PCDHGA2: variants seen among roughly 807,000 people sequenced by gnomAD.
PCDHGA2 encodes the protein protocadherin gamma subfamily A, 2.
In PCDHGA2, 40 loss-of-function variants were observed where a neutral mutation model predicts 59.2. The ratio of observed to expected loss-of-function variants is 0.68; its 90% CI spans 0.52 to 0.88. PCDHGA2 has a LOEUF of 0.88. Among genes scored for constraint, PCDHGA2 ranks in the 40% least tolerant of loss-of-function variants. The pLI, the probability that PCDHGA2 is intolerant of heterozygous loss-of-function variation, is 0.00. For synonymous variants in PCDHGA2, 560 were observed against 526.0 expected, an observed-to-expected ratio of 1.06 and a Z score of -0.89; for missense variants, 1,226 against 1,204.0, an observed-to-expected ratio of 1.02 and a Z score of -0.27.
At position 141,393,088 on chromosome 5, in the gene PCDHGA2, G is replaced by T. The variant is rs760420305; in HGVS notation, c.2424+51693G>T. ...TTGATCACCGCGGGCAGGATAGATCGGGAGGAGCTCTGCGCTCAGAGCCCG... is the reference window on the plus strand; with the variant it reads ...TTGATCACCGCGGGCAGGATAGATCTGGAGGAGCTCTGCGCTCAGAGCCCG... On this transcript the variant is annotated intron_variant, in intron 1 of 3. Transcript: ENST00000394576. 3.7e-6 allele frequency: 6 copies of T among 1,613,530 alleles called. No homozygotes were observed. In the East Asian group the frequency reaches 1.3e-4, roughly 36 times the overall value.
At chr5:141,420,076 TC>T (rs2096464805) in intron 1 of PCDHGA2, 2 of 1,613,956 alleles carry the variant, frequency 1.2e-6, no homozygotes, top group East Asian at 2.2e-5. Flanking sequence ...GACCTGTGGG[TC>T]CCCCCAACTA....
rs2097721634 is a variant in PCDHGA2, at chr5:141,434,835, A to G, written c.2425-59972A>G. On this transcript the variant is annotated intron_variant, in intron 1 of 3. Coordinates refer to ENST00000394576, the MANE Select transcript of PCDHGA2 (RefSeq NM_018915.4). ...ATATCCCTTAGTACACTTGGCATTT[A>G]TAAAGCAGACATCAATAAATTTATA... 2.0e-5 allele frequency among the ~76,000 whole-genome samples: 3 copies of G among 151,972 alleles called. 1 individual carries two copies. In the South Asian group the frequency reaches 6.2e-4, roughly 32 times the overall value.
intron 1 of PCDHGA2, chr5:141,370,629 C>G: frequency 6.2e-7 from 1 of 1,613,860 alleles, no homozygotes; most frequent in Non-Finnish European, 8.5e-7. Flanking sequence ...TACCGTGAGC[C>G]CCGAAAATGG....
chr5:141,383,714 G>C, intron 1 of PCDHGA2: 1 of 1,613,972 alleles, frequency 6.2e-7, no homozygotes, highest in Non-Finnish European at 8.5e-7. Flanking sequence ...CTGGACGAGG[G>C]AGTCAATGGG....
At position 141,350,760 on chromosome 5, in the gene PCDHGA2, A is replaced by G. The variant is rs756938646; in HGVS notation, c.2424+9365A>G. Reference sequence around the variant, plus strand: ...GTGGAAGGCAATTCACTGAAGTTATACACCATCAACCCCAATCAATACTTC... The same window carrying G: ...GTGGAAGGCAATTCACTGAAGTTATGCACCATCAACCCCAATCAATACTTC... On this transcript the variant is annotated intron_variant, in intron 1 of 3. Coordinates refer to ENST00000394576, the MANE Select transcript of PCDHGA2 (RefSeq NM_018915.4). The G allele has an allele frequency of 1.7e-5, 27 of 1,613,948 alleles. No individual in the cohort carries two copies. In the East Asian group the frequency reaches 5.6e-4, roughly 33 times the overall value.
Position 141,345,352 on chromosome 5 carries a change from T to C in PCDHGA2, c.2424+3957T>C. 2.5e-6 allele frequency: 4 copies of C among 1,613,994 alleles called. No homozygotes were observed. In the South Asian group the frequency reaches 4.4e-5, roughly 18 times the overall value. On this transcript the variant is annotated intron_variant, in intron 1 of 3. Transcript: ENST00000394576. ...CTGTCCACAGAAACTCACATCACCC[T>C]GCATGTGATTGACATCAATGACAAC...
intron 1 of PCDHGA2, among the ~76,000 whole-genome samples, chr5:141,445,924 A>G (rs1451439271): frequency 6.6e-6 from 1 of 152,184 alleles, no homozygotes; most frequent in Non-Finnish European, 1.5e-5. Flanking sequence ...GTGACAAGAT[A>G]TTTGAATTAT....
intron 1 of PCDHGA2, chr5:141,372,365 C>G: frequency 6.2e-7 from 1 of 1,613,966 alleles, no homozygotes; most frequent in South Asian, 1.1e-5. Flanking sequence ...TTTCAGCCAC[C>G]GTCATGCTGC....
At chr5:141,413,702 T>G (rs1448671585) in intron 1 of PCDHGA2, 4 of 1,613,606 alleles carry the variant, frequency 2.5e-6, no homozygotes, top group Non-Finnish European at 3.4e-6. Flanking sequence ...AGCTATCAGC[T>G]CAGCCCCAAT....
chr5:141,421,054 A>G, intron 1 of PCDHGA2: 3 of 571,978 alleles, frequency 5.2e-6, no homozygotes, highest in Non-Finnish European at 9.0e-6. Context: ...CGCCTCTACC[A>G]CACAAAGCGG....
At chr5:141,508,824 G>T (rs893436748) in intron 3 of PCDHGA2, among the ~76,000 whole-genome samples, 1 of 151,952 alleles carries the variant, frequency 6.6e-6, no homozygotes, top group Non-Finnish European at 1.5e-5. Context: ...CCAGATCTGG[G>T]CCCCCCTCCC....
chr5:141,360,173 G>A, intron 1 of PCDHGA2: 1 of 1,609,062 alleles, frequency 6.2e-7, no homozygotes, highest in African/African-American at 1.3e-5. Flanking sequence ...CTGGTGCGGT[G>A]GCTGCAGGTA....
At chr5:141,428,437 C>A in intron 1 of PCDHGA2, 1 of 400,386 alleles carries the variant, frequency 2.5e-6, no homozygotes, top group South Asian at 2.4e-5. Flanking sequence ...TAAGACTAGA[C>A]CAGGGGTTTT....
rs1441582051 is a variant in PCDHGA2, at chr5:141,487,416, G to A, written c.2425-7391G>A. 1 of 1,614,088 alleles carries A rather than the reference G, an allele frequency of 6.2e-7. No individual in the cohort carries two copies. Among genetic ancestry groups the A allele is most frequent in the Admixed American group, 1.7e-5 (1 of 60,024 alleles). On this transcript the variant is annotated intron_variant, in intron 1 of 3. Coordinates refer to ENST00000394576, the MANE Select transcript of PCDHGA2 (RefSeq NM_018915.4). The surrounding 1 kb of genome is among the most constrained non-coding windows in gnomAD (Gnocchi z 5.0). ...AGGGAGGGGCTTCCCCCTTCCAATGGGATCCTCCGAATCCAGCTAGGGTCA... is the reference window on the plus strand; with the variant it reads ...AGGGAGGGGCTTCCCCCTTCCAATGAGATCCTCCGAATCCAGCTAGGGTCA...
In PCDHGA2 at chr5:141,351,569, C is replaced by A. The variant is rs191804700; in HGVS notation, c.2424+10174C>A. 3.1e-6 allele frequency: 5 copies of A among 1,614,062 alleles called. No individual in the cohort carries two copies. The East Asian group carries it at 1.1e-4, about 36-fold the overall frequency. ...TTCCTCCAGGACAAGCATCACCCTG[C>A]ACATCTCCGACATCAACGACAATGC... is the stretch of plus-strand genomic sequence containing the variant. On this transcript the variant is annotated intron_variant, in intron 1 of 3. Transcript: ENST00000394576.
intron 1 of PCDHGA2, among the ~76,000 whole-genome samples, chr5:141,466,826 G>A (rs978548667): frequency 1.2e-4 from 18 of 152,056 alleles, no homozygotes; most frequent in Admixed American, 8.5e-4. Flanking sequence ...TAACAAGTTA[G>A]TATGGGTTTA....
chr5:141,477,315 C>G lies in PCDHGA2; in HGVS notation c.2425-17492C>G. 2 of 1,614,188 alleles carry G rather than the reference C, an allele frequency of 1.2e-6. No individual in the cohort carries two copies. Among genetic ancestry groups the G allele is most frequent in the African/African-American group, 2.7e-5 (2 of 75,042 alleles). On this transcript the variant is annotated intron_variant, in intron 1 of 3. Coordinates refer to ENST00000394576, the MANE Select transcript of PCDHGA2 (RefSeq NM_018915.4). The surrounding 1 kb of genome is among the most constrained non-coding windows in gnomAD (Gnocchi z 4.9). ...CCACCGGGTCTCCCTTTCAGCCTTA[C>G]TTCTTCCCTCAAGAATTACTTCACT...
At chr5:141,420,001 C>T in intron 1 of PCDHGA2, 1 of 1,614,084 alleles carries the variant, frequency 6.2e-7, no homozygotes, top group Non-Finnish European at 8.5e-7. Flanking sequence ...TTGCTCTACG[C>T]CTGCGACAGT....
chr5:141,393,984 C>T (rs1176875822), intron 1 of PCDHGA2: 1 of 1,613,570 alleles, frequency 6.2e-7, no homozygotes, highest in Non-Finnish European at 8.5e-7. Flanking sequence ...TGATAATTTA[C>T]CTTTTAAATT....
Sources: gnomAD v4.1 joint callset for allele counts (sites outside exome capture counted in the v4.1 genomes callset) on GRCh38, gnomAD v4.1.1 for gene constraint, Gnocchi (gnomAD v3.1) non-coding constraint, MANE v1.5 for transcripts, NCBI Gene and HGNC (gene_info 2026-07-23, HGNC 2026-07-21) for gene names.